RBFOX1: variants seen among roughly 807,000 people sequenced by gnomAD.
RBFOX1 encodes RNA binding protein fox-1 homolog 1.
Under a neutral mutation model 57.7 loss-of-function variants are expected in RBFOX1, and 8 were observed. The observed-to-expected ratio is 0.14, with a 90% CI of 0.08 to 0.25. The LOEUF is 0.25. Ranked by LOEUF, RBFOX1 falls within the 10% of genes least tolerant of loss-of-function variation. The pLI is 1.00. For synonymous variants in RBFOX1, 326 were observed against 222.4 expected (o/e 1.47, Z -4.15); for missense variants, 611 against 548.5 (o/e 1.11, Z -1.14).
chr16:6,514,090 G>C (rs1229544089), intron 2 of RBFOX1, among the ~76,000 whole-genome samples: 7 of 152,148 alleles, frequency 4.6e-5, no homozygotes, highest in African/African-American at 1.7e-4. Flanking sequence ...CGTCAAGAAT[G>C]AGCTTCCCTG....
chr16:6,632,213 G>A (rs1482523832), intron 2 of RBFOX1, among the ~76,000 whole-genome samples: 1 of 152,010 alleles, frequency 6.6e-6, no homozygotes, highest in African/African-American at 2.4e-5. Context: ...TAGAAGGAAA[G>A]CTGGAAGAAC....
At chr16:6,471,757 G>A (rs2095180019) in intron 2 of RBFOX1, among the ~76,000 whole-genome samples, 1 of 152,100 alleles carries the variant, frequency 6.6e-6, no homozygotes, top group Non-Finnish European at 1.5e-5. Flanking sequence ...CAAGGCAAAG[G>A]GATCTGGAGA....
intron 4 of RBFOX1, among the ~76,000 whole-genome samples, chr16:7,478,733 A>G (rs2063248964): frequency 6.6e-6 from 1 of 152,190 alleles, no homozygotes. Flanking sequence ...CCTTTTAGCT[A>G]AAAGGAACCC....
chr16:6,753,690 C>T (rs563378930), intron 3 of RBFOX1, among the ~76,000 whole-genome samples: 8 of 151,772 alleles, frequency 5.3e-5, no homozygotes, highest in Non-Finnish European at 1.0e-4. Context: ...TGAGAAGCCT[C>T]GTGCCCTCCT....
At chr16:7,193,900 G>T (rs1602525538) in intron 4 of RBFOX1, among the ~76,000 whole-genome samples, 1 of 151,786 alleles carries the variant, frequency 6.6e-6, no homozygotes, top group African/African-American at 2.4e-5. Flanking sequence ...TTGACTGGAA[G>T]GATAAGATAT....
rs1443750726 is a variant in RBFOX1 at position 5,946,976 on chromosome 16, C to T, written c.351+79641C>T. Among the ~76,000 whole-genome samples, 6 of 152,122 alleles carry T rather than the reference C, an allele frequency of 3.9e-5. No homozygotes were observed. Among genetic ancestry groups the T allele is most frequent in the Non-Finnish European group, 8.8e-5 (6 of 68,030 alleles). ...GCCGTAATCCTAGCACTTAGGGAGG[C>T]AGAAGTAGGAGGATTGCTTGAGGCC... On this transcript the variant is annotated intron_variant, in intron 4 of 19. Transcript: ENST00000641259. This position sits in a 1 kb window ranked among gnomAD's most constrained non-coding sequence, Gnocchi z 4.6.
At chr16:7,675,997 G>A (rs569694405) in intron 13 of RBFOX1, among the ~76,000 whole-genome samples, 16 of 152,234 alleles carry the variant, frequency 1.1e-4, no homozygotes, top group East Asian at 5.8e-4. Flanking sequence ...CTATTTGCTC[G>A]TCCTCTTTGC....
At chr16:5,887,534 T>A (rs2057928931) in intron 4 of RBFOX1, among the ~76,000 whole-genome samples, 1 of 152,192 alleles carries the variant, frequency 6.6e-6, no homozygotes, top group African/African-American at 2.4e-5. Flanking sequence ...CCTGAGTAGC[T>A]GGGATTACAG....
chr16:6,005,323 C>G (rs1459167503), intron 4 of RBFOX1, among the ~76,000 whole-genome samples: 1 of 152,210 alleles, frequency 6.6e-6, no homozygotes, highest in African/African-American at 2.4e-5. Context: ...ATAAGCCCAT[C>G]TGGACACTCA....
At chr16:5,907,919 T>G (rs548211890) in intron 4 of RBFOX1, among the ~76,000 whole-genome samples, 15 of 151,828 alleles carry the variant, frequency 9.9e-5, no homozygotes, top group Non-Finnish European at 1.8e-4. Context: ...CCCAGCTAAT[T>G]TTTTTACTGT....
intron 3 of RBFOX1, among the ~76,000 whole-genome samples, chr16:5,672,140 G>A (rs1419283857): frequency 6.6e-6 from 1 of 152,138 alleles, no homozygotes; most frequent in South Asian, 2.1e-4. Flanking sequence ...CAGTCTGGGG[G>A]CAGGCAGTGG....
chr16:6,256,247 GTA>G (rs1202068255), intron 1 of RBFOX1, among the ~76,000 whole-genome samples: 1,568 of 78,606 alleles, frequency 0.02, 225 homozygotes, highest in Middle Eastern at 0.069. Flanking sequence ...ATATATATAT[GTA>G]TATATATGTG....
chr16:7,649,285 A>G (rs2064429852), intron 11 of RBFOX1, among the ~76,000 whole-genome samples: 1 of 152,166 alleles, frequency 6.6e-6, no homozygotes, highest in Non-Finnish European at 1.5e-5. Flanking sequence ...TAATTTTCTT[A>G]ATTACTATAT....
chr16:5,723,879 T>G (rs1451865136), intron 3 of RBFOX1, among the ~76,000 whole-genome samples: 1 of 152,228 alleles, frequency 6.6e-6, no homozygotes, highest in African/African-American at 2.4e-5. Context: ...GCAAAGTCGC[T>G]TCTACATGGG....
intron 4 of RBFOX1, among the ~76,000 whole-genome samples, chr16:7,229,094 A>T (rs1223348682): frequency 2.0e-5 from 3 of 152,180 alleles, no homozygotes; most frequent in Non-Finnish European, 2.9e-5. Flanking sequence ...TAAAGAAGGG[A>T]GCACTCTGAA....
At chr16:7,182,621 C>G (rs1475280861) in intron 4 of RBFOX1, among the ~76,000 whole-genome samples, 1 of 152,174 alleles carries the variant, frequency 6.6e-6, no homozygotes, top group Non-Finnish European at 1.5e-5. Context: ...GAAAATTTAG[C>G]TTTAAAATAT....
At chr16:6,898,812 A>G (rs2067642243) in intron 3 of RBFOX1, among the ~76,000 whole-genome samples, 1 of 151,826 alleles carries the variant, frequency 6.6e-6, no homozygotes, top group East Asian at 1.9e-4. Context: ...TATAACGTGC[A>G]TGTGTATAAT....
At chr16:6,981,469 C>A (rs972870627) in intron 3 of RBFOX1, among the ~76,000 whole-genome samples, 2 of 152,118 alleles carry the variant, frequency 1.3e-5, no homozygotes, top group African/African-American at 4.8e-5. Flanking sequence ...TGTGTATAAA[C>A]CACAGATTCT....
At chr16:5,887,483 C>T (rs918011923) in intron 4 of RBFOX1, among the ~76,000 whole-genome samples, 1 of 152,200 alleles carries the variant, frequency 6.6e-6, no homozygotes, top group African/African-American at 2.4e-5. Flanking sequence ...CTAAGTGCAA[C>T]CTGCACCTGC....
Sources: allele counts gnomAD v4.1 joint callset (sites outside exome capture counted in the v4.1 genomes callset), GRCh38; gene constraint gnomAD v4.1.1; non-coding constraint Gnocchi (gnomAD v3.1); transcripts MANE v1.5; gene names NCBI Gene and HGNC (gene_info 2026-07-23, HGNC 2026-07-21).